Variants in AKAP13 observed in about 807,000 individuals in gnomAD.
AKAP13 encodes the protein A-kinase anchor protein 13.
AKAP13 carries 80 observed loss-of-function variants against 264.5 expected under a neutral mutation model. The observed-to-expected ratio is 0.30, with a 90% CI of 0.25 to 0.36. The LOEUF (loss-of-function observed/expected upper bound fraction) is 0.36. AKAP13 is among the 10% of genes least tolerant of loss of function. The pLI is 1.00. For missense variants in AKAP13, 3,712 were observed against 3,435.2 expected, an observed-to-expected ratio of 1.08 and a Z score of -2.01; for synonymous variants, 1,380 against 1,250.2, an observed-to-expected ratio of 1.10 and a Z score of -2.19.
intron 10 of AKAP13, among the ~76,000 whole-genome samples, chr15:85,652,672 C>T (rs1045924686): frequency 6.6e-6 from 1 of 152,294 alleles, no homozygotes; most frequent in African/African-American, 2.4e-5. Context: ...GTTCTGGAGG[C>T]TGGAGATCCT....
chr15:85,514,313 A>AT (rs1355432084), intron 2 of AKAP13, among the ~76,000 whole-genome samples: 1 of 138,346 alleles, frequency 7.2e-6, no homozygotes, highest in Non-Finnish European at 1.5e-5. Context: ...TGTTAAAAAA[A>AT]TTGTTTATAA....
chr15:85,589,710 GAAA>G (rs59703416), intron 8 of AKAP13, among the ~76,000 whole-genome samples: 1 of 99,890 alleles, frequency 1.0e-5, no homozygotes. Context: ...ACTCTGTCTT[GAAA>G]AAAAAAAAAA....
Position 85,655,515 on chromosome 15 carries a change from G to A in AKAP13, c.4473G>A (p.Val1491=), listed in dbSNP as rs770525850. 6.2e-7 allele frequency: 1 copy of A among 1,614,222 alleles called. No homozygotes were observed. ...GACATTCTTCTCATGGCAGTGATGT[G>A]TCTCTCTCCCAGATTTTAAAGCCAA... The part of the protein sequence containing the change: ...LDRHSSHGSD[V]SLSQILKPNR... The change falls in exon 11 of 37, where the codon GTG becomes GTA. Residue 1491 remains valine, a synonymous_variant. Transcript: ENST00000394518.
chr15:85,524,858 C>T (rs533047781), intron 3 of AKAP13, among the ~76,000 whole-genome samples: 2 of 143,024 alleles, frequency 1.4e-5, no homozygotes, highest in African/African-American at 2.7e-5. Context: ...CCTCCTGCCC[C>T]CTCTTTCCCC....
At chr15:85,437,343 A>T (rs2073358908) in intron 1 of AKAP13, among the ~76,000 whole-genome samples, 1 of 152,214 alleles carries the variant, frequency 6.6e-6, no homozygotes, top group South Asian at 2.1e-4. Flanking sequence ...TTACCAACCA[A>T]AAAGAGTCCA....
intron 1 of AKAP13, among the ~76,000 whole-genome samples, chr15:85,445,563 G>T (rs1038402274): frequency 3.3e-5 from 5 of 152,164 alleles, no homozygotes; most frequent in African/African-American, 9.7e-5. Context: ...TTATATGACA[G>T]CGTGCTCTTA....
At chr15:85,415,514 A>T (rs2072199149) in intron 1 of AKAP13, 9 of 1,520,918 alleles carry the variant, frequency 5.9e-6, no homozygotes, top group Non-Finnish European at 8.1e-6. Flanking sequence ...CATTGGTTCA[A>T]CATCAGGAGT....
intron 1 of AKAP13, among the ~76,000 whole-genome samples, chr15:85,387,418 TCTC>T (rs369197852): frequency 7.9e-4 from 120 of 152,204 alleles, no homozygotes; most frequent in African/African-American, 2.6e-3. Context: ...GCAGCCTTGA[TCTC>T]CTGGGCCCAA....
At chr15:85,652,607 T>A (rs1339472879) in intron 10 of AKAP13, among the ~76,000 whole-genome samples, 1 of 152,196 alleles carries the variant, frequency 6.6e-6, no homozygotes, top group Non-Finnish European at 1.5e-5. Context: ...AGGGCTGCTG[T>A]AACAAATTAC....
In AKAP13 at chr15:85,415,229, G is replaced by A. The variant is rs1380311263; in HGVS notation, c.-12+34431G>A. 12 of 1,553,600 alleles carry A rather than the reference G, an allele frequency of 7.7e-6. No homozygotes were observed. The East Asian group carries it at 2.6e-4, about 33-fold the overall frequency. Reference sequence around the variant, plus strand: ...ACGCCAGCTCGCCCGCACCCCTCATGGCCACAGTTCAGCAGCTGGAAGGAA... The same window carrying A: ...ACGCCAGCTCGCCCGCACCCCTCATAGCCACAGTTCAGCAGCTGGAAGGAA... On this transcript the variant is annotated intron_variant, in intron 1 of 36. Coordinates refer to ENST00000394518, the MANE Select transcript of AKAP13 (RefSeq NM_007200.5).
At chr15:85,663,787 T>C (rs1056227836) in intron 12 of AKAP13, among the ~76,000 whole-genome samples, 1 of 152,264 alleles carries the variant, frequency 6.6e-6, no homozygotes, top group Non-Finnish European at 1.5e-5. Context: ...CTGAAAATGC[T>C]TTTCATTCTG....
At chr15:85,608,555 T>G (rs1472467153) in intron 8 of AKAP13, among the ~76,000 whole-genome samples, 1 of 152,216 alleles carries the variant, frequency 6.6e-6, no homozygotes, top group Non-Finnish European at 1.5e-5. Context: ...AGGCAGAGTC[T>G]AAGCCCCATA....
At chr15:85,593,321 AC>A (rs2079663775) in intron 8 of AKAP13, among the ~76,000 whole-genome samples, 1 of 152,132 alleles carries the variant, frequency 6.6e-6, no homozygotes, top group East Asian at 1.9e-4. Context: ...CAAAACAAAA[AC>A]AAAAAAACAA....
At chr15:85,712,787 G>A (rs1281587170) in intron 19 of AKAP13, among the ~76,000 whole-genome samples, 1 of 152,136 alleles carries the variant, frequency 6.6e-6, no homozygotes, top group East Asian at 1.9e-4. Context: ...CAAGGCATCT[G>A]TCTGTCTTGG....
intron 3 of AKAP13, among the ~76,000 whole-genome samples, chr15:85,523,106 C>T (rs78464945): frequency 0.013 from 1,997 of 151,992 alleles, 114 homozygotes; most frequent in Admixed American, 0.092. Context: ...AACACTTTAA[C>T]GTGTGAGCCT....
At chr15:85,703,078 A>T (rs1333634925) in intron 17 of AKAP13, among the ~76,000 whole-genome samples, 1 of 152,240 alleles carries the variant, frequency 6.6e-6, no homozygotes, top group African/African-American at 2.4e-5. Context: ...TCTTTTACAT[A>T]AAAAATAAAC....
intron 8 of AKAP13, among the ~76,000 whole-genome samples, chr15:85,608,760 A>G (rs188065362): frequency 6.6e-6 from 1 of 152,340 alleles, no homozygotes; most frequent in East Asian, 1.9e-4. Flanking sequence ...TTGATACACA[A>G]TTAGGCTTTA....
chr15:85,436,480 A>C (rs1335618752), intron 1 of AKAP13, among the ~76,000 whole-genome samples: 4 of 147,412 alleles, frequency 2.7e-5, no homozygotes, highest in African/African-American at 1.0e-4. Context: ...ATAGACATCT[A>C]CAGAACTCTC....
chr15:85,448,454 G>T (rs559037587), intron 1 of AKAP13, among the ~76,000 whole-genome samples: 5 of 152,178 alleles, frequency 3.3e-5, no homozygotes, highest in South Asian at 4.2e-4. Context: ...CCTAAGTCCA[G>T]GATGATATCA....
Sources: gnomAD v4.1 joint callset for allele counts (sites outside exome capture counted in the v4.1 genomes callset) on GRCh38, gnomAD v4.1.1 for gene constraint, MANE v1.5 for transcripts, NCBI Gene and HGNC (gene_info 2026-07-23, HGNC 2026-07-21) for gene names.